ZBBX: variants seen among roughly 807,000 people sequenced by gnomAD.
ZBBX encodes the protein zinc finger B-box domain-containing protein 1.
Under a neutral mutation model 108.5 loss-of-function variants are expected in ZBBX, and 101 were observed. The observed-to-expected ratio is 0.93, with a 90% CI of 0.79 to 1.10. The LOEUF (loss-of-function observed/expected upper bound fraction) is 1.10. ZBBX is among the 50% of genes least tolerant of loss of function. ZBBX has a pLI of 0.00. For missense variants in ZBBX, 1,009 were observed against 941.4 expected, an observed-to-expected ratio of 1.07 and a Z score of -0.94; for synonymous variants, 356 against 323.4, an observed-to-expected ratio of 1.10 and a Z score of -1.08.
intron 5 of ZBBX, 140 bp from the exon 6 acceptor site, chr3:167,366,116 A>G (rs1442076081): frequency 1.9e-6 from 1 of 515,272 alleles, no homozygotes; most frequent in Non-Finnish European, 3.5e-6. Context: ...TGAAAAATAA[A>G]TATCAATAAT....
intron 4 of ZBBX, among the ~76,000 whole-genome samples, chr3:167,371,972 G>C (rs1189002602): frequency 6.6e-6 from 1 of 152,128 alleles, no homozygotes; most frequent in Non-Finnish European, 1.5e-5. Context: ...CCAGCACTTT[G>C]GGAGGTAGAG....
chr3:167,276,815 A>C (rs1727678752), intron 20 of ZBBX, among the ~76,000 whole-genome samples: 1 of 152,158 alleles, frequency 6.6e-6, no homozygotes, highest in Non-Finnish European at 1.5e-5. Context: ...AGTTGAAATG[A>C]AGGAAAAAAT....
chr3:167,265,396 T>C (rs1387942792), intron 20 of ZBBX, among the ~76,000 whole-genome samples: 3 of 152,074 alleles, frequency 2.0e-5, no homozygotes, highest in Admixed American at 6.6e-5. Flanking sequence ...GGACCTGAAA[T>C]GGGGGGCTCA....
chr3:167,323,248 G>T (rs1001440582), intron 11 of ZBBX, among the ~76,000 whole-genome samples: 1 of 145,178 alleles, frequency 6.9e-6, no homozygotes, highest in South Asian at 2.3e-4. Flanking sequence ...AGGGGGGGGG[G>T]GGAAAGAACT....
upstream of ZBBX, among the ~76,000 whole-genome samples, chr3:167,382,295 A>G (rs1039668014): frequency 2.6e-5 from 4 of 152,222 alleles, no homozygotes; most frequent in Non-Finnish European, 4.4e-5. Flanking sequence ...GTCTTTCAGA[A>G]TGATGATTAG....
intron 17 of ZBBX, among the ~76,000 whole-genome samples, chr3:167,302,084 C>T (rs1193640381): frequency 6.6e-6 from 1 of 150,858 alleles, no homozygotes; most frequent in Non-Finnish European, 1.5e-5. Flanking sequence ...ATTTCTTTAG[C>T]ATTTGTTGAA....
At chr3:167,372,209 TA>T (rs201747936) in intron 4 of ZBBX, among the ~76,000 whole-genome samples, 130 of 147,012 alleles carry the variant, frequency 8.8e-4, no homozygotes, top group East Asian at 5.8e-3. Flanking sequence ...AGACTTCGTC[TA>T]AAAAAAAAAA....
chr3:167,242,447 A>G, intron 21 of ZBBX, 58 bp downstream of exon 21: 1 of 1,411,312 alleles, frequency 7.1e-7, no homozygotes, highest in Non-Finnish European at 9.5e-7. Flanking sequence ...AACTAGTTGG[A>G]GCTTGTCAAA....
At chr3:167,277,425 C>G (rs1262878017) in intron 20 of ZBBX, among the ~76,000 whole-genome samples, 1 of 151,360 alleles carries the variant, frequency 6.6e-6, no homozygotes, top group Non-Finnish European at 1.5e-5. Flanking sequence ...AAATGGAAAA[C>G]AAAAAAAGGC....
intron 11 of ZBBX, 24 bp from the exon 12 acceptor site, chr3:167,322,261 A>T: frequency 2.1e-6 from 3 of 1,424,058 alleles, no homozygotes; most frequent in Non-Finnish European, 2.8e-6. Context: ...CACAATGTGC[A>T]TAATTAAAAT....
chr3:167,226,871 T>C, the ZBBX span, among the ~76,000 whole-genome samples: 1 of 151,762 alleles, frequency 6.6e-6, no homozygotes, highest in African/African-American at 2.4e-5. Context: ...GTACTTGCCT[T>C]ATTCTCTTTC....
At chr3:167,327,002 T>C (rs1737505737) in intron 11 of ZBBX, among the ~76,000 whole-genome samples, 1 of 151,956 alleles carries the variant, frequency 6.6e-6, no homozygotes, top group Admixed American at 6.6e-5. Flanking sequence ...TGGAAGACAC[T>C]ACAAGATTCT....
the ZBBX span, among the ~76,000 whole-genome samples, chr3:167,204,933 T>C: frequency 7.4e-4 from 112 of 152,056 alleles, no homozygotes; most frequent in African/African-American, 2.4e-3. Context: ...CTCAGTTTTC[T>C]TGCAGGAGAA....
chr3:167,294,180 A>T (rs1015681807), intron 18 of ZBBX, among the ~76,000 whole-genome samples: 2 of 152,188 alleles, frequency 1.3e-5, no homozygotes, highest in African/African-American at 4.8e-5. Context: ...TCTTCACAGG[A>T]TTGGAAAAAA....
intron 1 of ZBBX, among the ~76,000 whole-genome samples, chr3:167,397,625 C>G (rs1477645862): frequency 6.6e-6 from 1 of 151,598 alleles, no homozygotes; most frequent in Non-Finnish European, 1.5e-5. Flanking sequence ...ATTGTTAGCA[C>G]AGTAGTCAAT....
chr3:167,364,186 CAA>C (rs542126583), intron 6 of ZBBX, among the ~76,000 whole-genome samples: 2 of 137,470 alleles, frequency 1.5e-5, no homozygotes. Flanking sequence ...ATATCTTTAG[CAA>C]AAAAAAAAAA....
intron 9 of ZBBX, among the ~76,000 whole-genome samples, chr3:167,346,922 A>G (rs1741570067): frequency 6.6e-6 from 1 of 151,938 alleles, no homozygotes; most frequent in African/African-American, 2.4e-5. Context: ...CTACAAGACA[A>G]TTGATTAAAA....
At chr3:167,386,398 C>T (rs1334816725) in intron 1 of ZBBX, among the ~76,000 whole-genome samples, 2 of 151,884 alleles carry the variant, frequency 1.3e-5, no homozygotes, top group South Asian at 2.1e-4. Flanking sequence ...AAAGTAAAAC[C>T]AAAGTAACTT....
intron 17 of ZBBX, among the ~76,000 whole-genome samples, chr3:167,305,297 C>T (rs977591097): frequency 1.3e-5 from 2 of 151,978 alleles, no homozygotes; most frequent in Non-Finnish European, 2.9e-5. Context: ...ACTATATTAT[C>T]GGAAAAAACT....
Sources: allele counts gnomAD v4.1 joint callset (sites outside exome capture counted in the v4.1 genomes callset), GRCh38; gene constraint gnomAD v4.1.1; transcripts MANE v1.5; gene names NCBI Gene and HGNC (gene_info 2026-07-23, HGNC 2026-07-21).